KIAA0825: variants seen among roughly 807,000 people sequenced by gnomAD.
KIAA0825 encodes the protein KIAA0825.
In KIAA0825, 119 loss-of-function variants were observed where a neutral mutation model predicts 147.6. The ratio of observed to expected loss-of-function variants is 0.81; its 90% CI spans 0.69 to 0.94. The LOEUF (loss-of-function observed/expected upper bound fraction) is 0.94, where lower values mean the gene tolerates loss of function less well. Among genes scored for constraint, KIAA0825 ranks in the 40% least tolerant of loss-of-function variants. The pLI, the probability that KIAA0825 is intolerant of heterozygous loss-of-function variation, is 0.00. For synonymous variants in KIAA0825, 470 were observed against 518.1 expected (o/e 0.91, Z 1.26); for missense variants, 1,381 against 1,472.7 (o/e 0.94, Z 1.02).
chr5:94,554,846 T>A (rs1231553712), intron 2 of KIAA0825, among the ~76,000 whole-genome samples: 1 of 150,038 alleles, frequency 6.7e-6, no homozygotes, highest in Non-Finnish European at 1.5e-5. Flanking sequence ...GAATGGTTCA[T>A]GACTTGTCCA....
intron 5 of KIAA0825, among the ~76,000 whole-genome samples, chr5:94,498,807 T>C (rs1562561445): frequency 1.3e-5 from 2 of 152,212 alleles, no homozygotes; most frequent in South Asian, 2.1e-4. Context: ...AGCTCTTTCA[T>C]TTTACTTCTG....
chr5:94,535,197 G>A (rs1455430953), intron 3 of KIAA0825, among the ~76,000 whole-genome samples: 4 of 151,680 alleles, frequency 2.6e-5, no homozygotes, highest in Non-Finnish European at 5.9e-5. Context: ...TTTTTCCTTA[G>A]AGCATTTACC....
At chr5:94,295,399 C>A (rs562448061) in intron 20 of KIAA0825, among the ~76,000 whole-genome samples, 146 of 152,144 alleles carry the variant, frequency 9.6e-4, no homozygotes, top group African/African-American at 3.3e-3. Context: ...TTGTTATTAT[C>A]CACCTTCTGA....
chr5:94,153,912 C>T lies in KIAA0825; in HGVS notation c.*95G>A. On this transcript the variant is annotated 3_prime_UTR_variant, in exon 21 of 21. Transcript: ENST00000682413. ...ACTCAGTCATTGGTTTCATGCTTCA[C>T]AGCACATATGAGGTTCATTCTGACT... is the stretch of plus-strand genomic sequence containing the variant. 1 of 778,790 alleles carries T rather than the reference C, an allele frequency of 1.3e-6. No individual in the cohort carries two copies. Among genetic ancestry groups the T allele is most frequent in the Non-Finnish European group, 2.2e-6 (1 of 461,672 alleles). 48.2% of individuals were successfully genotyped at this position (778,790 alleles called of 1,614,324 possible).
intron 20 of KIAA0825, among the ~76,000 whole-genome samples, chr5:94,319,912 C>T (rs1296897223): frequency 6.6e-6 from 1 of 151,908 alleles, no homozygotes; most frequent in Non-Finnish European, 1.5e-5. Flanking sequence ...TCTCTGACCT[C>T]CTCTCCTTTG....
intron 5 of KIAA0825, among the ~76,000 whole-genome samples, chr5:94,511,068 TA>T (rs903034943): frequency 5.3e-5 from 8 of 151,972 alleles, no homozygotes; most frequent in African/African-American, 1.9e-4. Flanking sequence ...TTAGTGTCCT[TA>T]AAAAAGAGAC....
chr5:94,390,639 T>A (rs1224471826), intron 18 of KIAA0825, among the ~76,000 whole-genome samples: 1 of 152,138 alleles, frequency 6.6e-6, no homozygotes. Flanking sequence ...ATCTATGAAA[T>A]CCAGGAAACA....
chr5:94,574,715 A>G (rs1780682024), intron 2 of KIAA0825, among the ~76,000 whole-genome samples: 1 of 151,748 alleles, frequency 6.6e-6, no homozygotes, highest in African/African-American at 2.4e-5. Context: ...TTTTTTTTAA[A>G]TTAATTTTTG....
intron 5 of KIAA0825, among the ~76,000 whole-genome samples, chr5:94,510,438 G>A (rs1184291512): frequency 1.3e-5 from 2 of 152,152 alleles, no homozygotes; most frequent in Non-Finnish European, 2.9e-5. Context: ...ATAGACAAGG[G>A]CTTCCTGTCT....
intron 12 of KIAA0825, among the ~76,000 whole-genome samples, chr5:94,456,555 C>T (rs773552421): frequency 3.3e-5 from 5 of 152,140 alleles, no homozygotes; most frequent in Admixed American, 1.3e-4. Context: ...ATGCAGGAAC[C>T]GGAGCCAGAG....
At position 94,190,825 on chromosome 5, in the gene KIAA0825, G is replaced by A. The variant is rs1025957217; in HGVS notation, c.3711-36701C>T. 2.0e-5 allele frequency among the ~76,000 whole-genome samples: 3 copies of A among 151,776 alleles called. No individual in the cohort carries two copies. The East Asian group carries it at 5.8e-4, about 29-fold the overall frequency. On this transcript the variant is annotated intron_variant, in intron 20 of 20. Transcript: ENST00000682413. ...CAAAGTGAAGGATAGAACATTTAATGATAATAGTATCATTAAAAATGGAAA... is the reference window on the plus strand; with the variant it reads ...CAAAGTGAAGGATAGAACATTTAATAATAATAGTATCATTAAAAATGGAAA...
intron 20 of KIAA0825, among the ~76,000 whole-genome samples, chr5:94,252,259 A>T (rs1175475008): frequency 6.6e-6 from 1 of 152,032 alleles, no homozygotes; most frequent in Non-Finnish European, 1.5e-5. Flanking sequence ...TCAGAGGCTG[A>T]GTGTAAAATA....
chr5:94,405,876 G>C (rs764617931), intron 15 of KIAA0825, among the ~76,000 whole-genome samples: 2 of 152,036 alleles, frequency 1.3e-5, no homozygotes, highest in East Asian at 3.9e-4. Context: ...TAGCACCCAA[G>C]CTTCTGACTC....
intron 20 of KIAA0825, among the ~76,000 whole-genome samples, chr5:94,164,474 C>T (rs977162732): frequency 1.2e-4 from 18 of 151,394 alleles, no homozygotes; most frequent in South Asian, 8.4e-4. Context: ...TGCAGTGGAG[C>T]GATCTTGGCT....
chr5:94,519,837 T>C (rs1767826241), intron 5 of KIAA0825: 2 of 660,538 alleles, frequency 3.0e-6, no homozygotes, highest in South Asian at 6.9e-5. Flanking sequence ...TATAACTAAA[T>C]GTACATATAT....
chr5:94,311,056 C>T (rs1779125190), intron 20 of KIAA0825, among the ~76,000 whole-genome samples: 1 of 151,524 alleles, frequency 6.6e-6, no homozygotes, highest in African/African-American at 2.4e-5. Context: ...TTGTAAATAG[C>T]AAGGGTGACC....
At chr5:94,173,363 A>G (rs1768806540) in intron 20 of KIAA0825, among the ~76,000 whole-genome samples, 1 of 152,184 alleles carries the variant, frequency 6.6e-6, no homozygotes, top group Admixed American at 6.5e-5. Flanking sequence ...TGTCTGAAAG[A>G]GATTCAAAGA....
intron 20 of KIAA0825, among the ~76,000 whole-genome samples, chr5:94,224,077 C>CTTTT (rs1773920941): frequency 1.4e-5 from 1 of 69,688 alleles, no homozygotes; most frequent in Non-Finnish European, 3.1e-5. Context: ...CTTTCTTTTT[C>CTTTT]TTTTCTTTTT....
Position 94,580,614 on chromosome 5 carries a change from C to G in KIAA0825, c.-2+1819G>C, listed in dbSNP as rs1343205022. 2.3e-4 allele frequency among the ~76,000 whole-genome samples: 8 copies of G among 35,254 alleles called. 2 individuals are homozygous for G. The highest frequency in any genetic ancestry group is 1.2e-3 in the Admixed American group (5 of 4,090). 23.1% of individuals were successfully genotyped at this position (35,254 alleles called of 152,430 possible). ...TAACACGGCCGGGCGCGGTGGCTCA[C>G]GCCTGTAATCCCAGCACTTTGGGAG... On this transcript the variant is annotated intron_variant, in intron 2 of 20. Transcript: ENST00000682413.
Sources: gnomAD v4.1 joint callset for allele counts (sites outside exome capture counted in the v4.1 genomes callset) on GRCh38, gnomAD v4.1.1 for gene constraint, MANE v1.5 for transcripts, NCBI Gene and HGNC (gene_info 2026-07-23, HGNC 2026-07-21) for gene names.